Variants in SGCZ observed in about 807,000 individuals in gnomAD.
SGCZ encodes zeta-sarcoglycan.
A neutral mutation model predicts 41.3 loss-of-function variants in SGCZ; 40 were observed. That is an observed-to-expected ratio of 0.97 (90% CI 0.75 to 1.26). SGCZ has a LOEUF of 1.26. Ranked by LOEUF, SGCZ falls within the 50% of genes most tolerant of loss-of-function variation. SGCZ has a pLI of 0.00. For synonymous variants in SGCZ, 206 were observed against 137.5 expected, an observed-to-expected ratio of 1.50 and a Z score of -3.49; for missense variants, 552 against 369.8, an observed-to-expected ratio of 1.49 and a Z score of -4.04.
intron 1 of SGCZ, among the ~76,000 whole-genome samples, chr8:14,974,447 G>A (rs1239702367): frequency 6.6e-6 from 1 of 152,152 alleles, no homozygotes; most frequent in African/African-American, 2.4e-5. Context: ...GGATACACCT[G>A]GAAAGAGAAA....
At chr8:15,214,707 T>C (rs1483206610) in intron 1 of SGCZ, among the ~76,000 whole-genome samples, 2 of 152,162 alleles carry the variant, frequency 1.3e-5, no homozygotes, top group Admixed American at 6.5e-5. Context: ...ACAGAGGTCA[T>C]ATTTAAGAAA....
intron 3 of SGCZ, among the ~76,000 whole-genome samples, chr8:14,239,818 C>T (rs923698473): frequency 7.4e-6 from 1 of 134,838 alleles, no homozygotes; most frequent in Non-Finnish European, 1.5e-5. Flanking sequence ...AGGAGAATGG[C>T]GTGAACCCGG....
At chr8:15,022,047 C>T (rs1480516713) in intron 1 of SGCZ, among the ~76,000 whole-genome samples, 2 of 152,152 alleles carry the variant, frequency 1.3e-5, no homozygotes, top group Non-Finnish European at 2.9e-5. Context: ...ATAAACTGGT[C>T]CTTCTGGTAC....
intron 2 of SGCZ, among the ~76,000 whole-genome samples, chr8:14,413,585 AAGT>A (rs1799417999): frequency 6.6e-6 from 1 of 152,014 alleles, no homozygotes; most frequent in East Asian, 1.9e-4. Context: ...ATTACAACTT[AAGT>A]AGTTTTTGAA....
chr8:14,686,090 C>A (rs1330733637), intron 1 of SGCZ, among the ~76,000 whole-genome samples: 1 of 152,092 alleles, frequency 6.6e-6, no homozygotes, highest in Admixed American at 6.5e-5. Context: ...GCTCTCAAGA[C>A]TTAACTCACC....
At chr8:15,235,605 G>A (rs576694719) in intron 1 of SGCZ, among the ~76,000 whole-genome samples, 48 of 152,222 alleles carry the variant, frequency 3.2e-4, no homozygotes, top group Admixed American at 1.5e-3. Context: ...GTGACATTAA[G>A]CTGAGATCTT....
At chr8:14,355,554 C>G (rs1803263283) in intron 2 of SGCZ, among the ~76,000 whole-genome samples, 1 of 151,724 alleles carries the variant, frequency 6.6e-6, no homozygotes, top group African/African-American at 2.4e-5. Context: ...TTGTAAAACT[C>G]AATAATAACG....
intron 1 of SGCZ, among the ~76,000 whole-genome samples, chr8:14,771,146 T>TAGTATGGGGACAGTTTTAG (rs1415635780): frequency 1.3e-5 from 2 of 151,742 alleles, no homozygotes; most frequent in Non-Finnish European, 2.9e-5. Flanking sequence ...CTAGAGTTTT[T>TAGTATGGGGACAGTTTTAG]AGATGGGGAC....
At chr8:14,210,420 A>T (rs935084423) in intron 4 of SGCZ, among the ~76,000 whole-genome samples, 1 of 151,566 alleles carries the variant, frequency 6.6e-6, no homozygotes, top group African/African-American at 2.4e-5. Context: ...ATTACCCTTA[A>T]TTGTTCCCTT....
At chr8:14,616,808 G>T (rs1283388798) in intron 1 of SGCZ, among the ~76,000 whole-genome samples, 2 of 152,048 alleles carry the variant, frequency 1.3e-5, no homozygotes, top group African/African-American at 4.8e-5. Context: ...AAATTTTATT[G>T]TTAGCAATTT....
chr8:14,945,712 A>C (rs1012894664), intron 1 of SGCZ, among the ~76,000 whole-genome samples: 7 of 151,776 alleles, frequency 4.6e-5, no homozygotes, highest in African/African-American at 1.7e-4. Flanking sequence ...CAGATAGGAC[A>C]CAAAGGGGAA....
chr8:14,467,335 G>A (rs1431269513), intron 2 of SGCZ, among the ~76,000 whole-genome samples: 3 of 151,980 alleles, frequency 2.0e-5, no homozygotes, highest in Non-Finnish European at 4.4e-5. Flanking sequence ...GTGGGGAAGA[G>A]CTTTCAACAA....
intron 1 of SGCZ, among the ~76,000 whole-genome samples, chr8:15,073,315 C>G (rs1440664795): frequency 6.6e-6 from 1 of 152,124 alleles, no homozygotes; most frequent in Non-Finnish European, 1.5e-5. Flanking sequence ...TTTCCTAGTG[C>G]TATCCTAATT....
intron 1 of SGCZ, among the ~76,000 whole-genome samples, chr8:14,600,722 T>C (rs1456381442): frequency 6.6e-6 from 1 of 152,162 alleles, no homozygotes; most frequent in Non-Finnish European, 1.5e-5. Flanking sequence ...CTAAAAAAAA[T>C]ATACACATGC....
At chr8:14,252,429 T>C (rs747280486) in intron 3 of SGCZ, among the ~76,000 whole-genome samples, 4 of 152,204 alleles carry the variant, frequency 2.6e-5, no homozygotes, top group Non-Finnish European at 5.9e-5. Flanking sequence ...TAATATTCTG[T>C]ATCTGAAAAT....
chr8:15,140,223 C>T (rs1808270562), intron 1 of SGCZ, among the ~76,000 whole-genome samples: 1 of 152,052 alleles, frequency 6.6e-6, no homozygotes. Context: ...AAGGGCCTCT[C>T]TTTATTGCCC....
At chr8:15,151,887 A>G (rs187375492) in intron 1 of SGCZ, among the ~76,000 whole-genome samples, 35 of 152,324 alleles carry the variant, frequency 2.3e-4, no homozygotes, top group Middle Eastern at 3.4e-3. Flanking sequence ...TGATTCTAAT[A>G]AAAGCATTTG....
intron 2 of SGCZ, among the ~76,000 whole-genome samples, chr8:14,373,443 G>A (rs1354394875): frequency 1.3e-5 from 2 of 152,050 alleles, no homozygotes; most frequent in East Asian, 1.9e-4. Flanking sequence ...GCATTTTAAG[G>A]AATGAAATCC....
intron 1 of SGCZ, among the ~76,000 whole-genome samples, chr8:14,764,074 T>C (rs1034257300): frequency 1.3e-5 from 2 of 152,158 alleles, no homozygotes; most frequent in Admixed American, 6.5e-5. Context: ...CAGCATTTTA[T>C]TTTGTCAGGA....
Sources: allele counts gnomAD v4.1 joint callset (sites outside exome capture counted in the v4.1 genomes callset), GRCh38; gene constraint gnomAD v4.1.1; transcripts MANE v1.5; gene names NCBI Gene and HGNC (gene_info 2026-07-23, HGNC 2026-07-21).